Variants in GLMN observed in about 807,000 individuals in gnomAD.
The protein encoded by GLMN is glomulin, FKBP associated protein.
GLMN carries 75 observed loss-of-function variants against 87.8 expected under a neutral mutation model. The ratio of observed to expected loss-of-function variants is 0.85; its 90% CI spans 0.71 to 1.04. The LOEUF (loss-of-function observed/expected upper bound fraction) is 1.04, where lower values mean the gene tolerates loss of function less well. GLMN is among the 50% of genes least tolerant of loss of function. The probability of loss-of-function intolerance (pLI) is 0.00; values close to 1 mark genes in which losing one functional copy is unlikely to be tolerated. For synonymous variants in GLMN, 206 were observed against 221.6 expected (o/e 0.93, Z 0.63); for missense variants, 588 against 658.8 (o/e 0.89, Z 1.18).
At chr1:92,330,365 A>C in the GLMN span, among the ~76,000 whole-genome samples, 1 of 151,436 alleles carries the variant, frequency 6.6e-6, no homozygotes, top group South Asian at 2.1e-4. Context: ...TCTAAAATTA[A>C]TGTTAGTTCT....
chr1:92,327,233 C>T, the GLMN span, among the ~76,000 whole-genome samples: 398 of 152,228 alleles, frequency 2.6e-3, 3 homozygotes, highest in African/African-American at 9.1e-3. Context: ...GTCTTGATGA[C>T]CTGTCTAGTG....
chr1:92,299,254 G>C (rs999906393), upstream of GLMN: 4 of 554,940 alleles, frequency 7.2e-6, no homozygotes, highest in African/African-American at 7.9e-5. Flanking sequence ...TCAGGGGAGG[G>C]GTTCTCCCAG....
chr1:92,343,750 A>G, the GLMN span, among the ~76,000 whole-genome samples: 1 of 151,142 alleles, frequency 6.6e-6, no homozygotes. Flanking sequence ...TATATATTAG[A>G]AGGCAATAAG....
the GLMN span, among the ~76,000 whole-genome samples, chr1:92,330,430 G>A: frequency 1.1e-4 from 16 of 145,660 alleles, no homozygotes; most frequent in African/African-American, 3.8e-4. Context: ...TTTTCTTTGT[G>A]GGTTGTCAAT....
At chr1:92,265,725 A>G (rs559719473) in intron 13 of GLMN, among the ~76,000 whole-genome samples, 23 of 152,304 alleles carry the variant, frequency 1.5e-4, no homozygotes, top group Admixed American at 8.5e-4. Flanking sequence ...GCAGTGAGCC[A>G]TGATCACACT....
the GLMN span, among the ~76,000 whole-genome samples, chr1:92,309,195 G>A: frequency 6.6e-6 from 1 of 152,120 alleles, no homozygotes; most frequent in African/African-American, 2.4e-5. Context: ...TGTAATCCCA[G>A]CACTTTGGGA....
At chr1:92,366,096 GCT>G in the GLMN span, among the ~76,000 whole-genome samples, 1 of 152,186 alleles carries the variant, frequency 6.6e-6, no homozygotes, top group Non-Finnish European at 1.5e-5. Context: ...TTCAGGAGAA[GCT>G]CTCTAGCTCC....
chr1:92,326,128 G>A, the GLMN span, among the ~76,000 whole-genome samples: 4 of 151,548 alleles, frequency 2.6e-5, no homozygotes, highest in Non-Finnish European at 5.9e-5. Context: ...TGGTTGTACC[G>A]GTTTACAGTT....
At chr1:92,366,905 A>G in the GLMN span, among the ~76,000 whole-genome samples, 7 of 152,192 alleles carry the variant, frequency 4.6e-5, no homozygotes, top group African/African-American at 1.4e-4. Context: ...GTGTGCAAAC[A>G]GGTATTTTGG....
the GLMN span, among the ~76,000 whole-genome samples, chr1:92,368,471 C>A: frequency 6.6e-6 from 1 of 152,172 alleles, no homozygotes; most frequent in African/African-American, 2.4e-5. Flanking sequence ...TCTACTTGCT[C>A]AATAAACCAC....
chr1:92,302,591 T>TA (rs1650935547), upstream of GLMN, among the ~76,000 whole-genome samples: 1 of 14,584 alleles, frequency 6.9e-5, no homozygotes, highest in African/African-American at 4.2e-4. Context: ...CCGCATTAAA[T>TA]TTTTTTTTTT....
At chr1:92,354,890 A>ATTATT in the GLMN span, among the ~76,000 whole-genome samples, 2 of 147,684 alleles carry the variant, frequency 1.4e-5, no homozygotes, top group African/African-American at 5.0e-5. Flanking sequence ...AATTTATGTA[A>ATTATT]ATTATTATTA....
At chr1:92,298,875 G>A (rs1650516538) in intron 1 of GLMN, 50 bp downstream of exon 1, 6 of 404,292 alleles carry the variant, frequency 1.5e-5, no homozygotes, top group Middle Eastern at 6.3e-4. Context: ...CGCGGCTCAC[G>A]GCCAACCGCG....
chr1:92,331,111 A>G, the GLMN span, among the ~76,000 whole-genome samples: 1 of 152,174 alleles, frequency 6.6e-6, no homozygotes, highest in Admixed American at 6.5e-5. Context: ...ATTTCTGCAA[A>G]TTTTACTTTT....
chr1:92,263,493 G>GTAAC (rs1214013843), intron 15 of GLMN, 130 bp downstream of exon 15: 5 of 704,710 alleles, frequency 7.1e-6, no homozygotes, highest in Non-Finnish European at 1.0e-5. Flanking sequence ...AAATCTTTAT[G>GTAAC]TAACTTAATG....
chr1:92,358,141 G>A, the GLMN span, among the ~76,000 whole-genome samples: 4 of 151,954 alleles, frequency 2.6e-5, no homozygotes, highest in East Asian at 1.9e-4. Context: ...TCCACCTTGC[G>A]TCAGCCCTTC....
the GLMN span, chr1:92,333,614 A>G: frequency 1.5e-6 from 1 of 656,612 alleles, no homozygotes; most frequent in Non-Finnish European, 2.6e-6. Context: ...TCTTCACTTA[A>G]GAAATTTGGA....
chr1:92,265,457 T>G (rs938595890), intron 13 of GLMN, among the ~76,000 whole-genome samples: 2 of 152,092 alleles, frequency 1.3e-5, no homozygotes, highest in African/African-American at 4.8e-5. Context: ...GCTCTTACTA[T>G]CAATAGAAAA....
At chr1:92,283,443 T>C (rs529175199) in intron 7 of GLMN, among the ~76,000 whole-genome samples, 1 of 152,268 alleles carries the variant, frequency 6.6e-6, no homozygotes, top group East Asian at 1.9e-4. Flanking sequence ...AAACTCTCAA[T>C]AAACTAGGTA....
Sources: gnomAD v4.1 joint callset for allele counts (sites outside exome capture counted in the v4.1 genomes callset) on GRCh38, gnomAD v4.1.1 for gene constraint, MANE v1.5 for transcripts, NCBI Gene and HGNC (gene_info 2026-07-23, HGNC 2026-07-21) for gene names.